GPALPP1: variants seen among roughly 807,000 people sequenced by gnomAD.
GPALPP1 encodes the protein GPALPP motifs containing 1, also known as GPALPP motifs-containing protein 1.
In GPALPP1, 30 loss-of-function variants were observed where a neutral mutation model predicts 38.9. The ratio of observed to expected loss-of-function variants is 0.77; its 90% CI spans 0.58 to 1.05. The LOEUF is 1.05. Among genes scored for constraint, GPALPP1 ranks in the 50% least tolerant of loss-of-function variants. The probability of loss-of-function intolerance (pLI) is 0.00; values close to 1 mark genes in which losing one functional copy is unlikely to be tolerated. For synonymous variants in GPALPP1, 120 were observed against 139.2 expected (o/e 0.86, Z 0.97); for missense variants, 384 against 408.8 (o/e 0.94, Z 0.52).
intron 4 of GPALPP1, among the ~76,000 whole-genome samples, chr13:45,011,867 A>G (rs1874505858): frequency 6.6e-6 from 1 of 152,198 alleles, no homozygotes; most frequent in African/African-American, 2.4e-5. Flanking sequence ...TTACCAGAGG[A>G]AGGACTTCCA....
chr13:45,029,110 G>A lies in GPALPP1; in HGVS notation c.*1107G>A, dbSNP rs1165232686. 15 of 151,982 alleles carry A rather than the reference G, an allele frequency of 9.9e-5. No individual in the cohort carries two copies. Among genetic ancestry groups the A allele is most frequent in the Non-Finnish European group, 1.5e-5 (1 of 67,988 alleles). 9.4% of individuals were successfully genotyped at this position (151,982 alleles called of 1,614,324 possible). On this transcript the variant is annotated 3_prime_UTR_variant, in exon 8 of 8. Coordinates refer to ENST00000379151, the MANE Select transcript of GPALPP1 (RefSeq NM_018559.5). Reference sequence around the variant, plus strand: ...AAGAAATTACATAAAAGCTGAGGTTGCTTCTTAATATCTTTATGATTTTTA... The same window carrying A: ...AAGAAATTACATAAAAGCTGAGGTTACTTCTTAATATCTTTATGATTTTTA...
At chr13:45,032,895 G>C (rs533237484), downstream of GPALPP1, among the ~76,000 whole-genome samples, 36 of 151,646 alleles carry the variant, frequency 2.4e-4, no homozygotes, top group African/African-American at 8.4e-4. Context: ...AAATTAGCTG[G>C]GCATGGCGGT....
exon 8 of GPALPP1, chr13:45,036,435 G>A (rs1876400128): frequency 6.6e-6 from 1 of 152,244 alleles, no homozygotes; most frequent in South Asian, 2.1e-4. Flanking sequence ...CACAAAAAGG[G>A]AGCACTGGTG....
At chr13:45,036,938 CAGAG>C in exon 8 of GPALPP1, 1 of 152,132 alleles carries the variant, frequency 6.6e-6, no homozygotes, top group Non-Finnish European at 1.5e-5. Context: ...GCCAGGGAGA[CAGAG>C]AGACCCCATC....
At chr13:45,019,947 C>T (rs1344042162) in intron 6 of GPALPP1, among the ~76,000 whole-genome samples, 4 of 122,666 alleles carry the variant, frequency 3.3e-5, no homozygotes, top group African/African-American at 6.3e-5. Context: ...TGCAGTGGAA[C>T]GATTTCGGCT....
At chr13:45,023,973 C>T (rs962465340) in intron 7 of GPALPP1, among the ~76,000 whole-genome samples, 2 of 152,218 alleles carry the variant, frequency 1.3e-5, no homozygotes, top group East Asian at 1.9e-4. Flanking sequence ...TTCCACATCC[C>T]GTGGATCACC....
Position 45,028,748 on chromosome 13 carries a change from C to T in GPALPP1, c.*745C>T, listed in dbSNP as rs73181541. ...TCCAGTCTGGGCAACAAAGTGAGAC[C>T]TCGTCTCTTTAGAAAAAAAAAAAGA... On this transcript the variant is annotated 3_prime_UTR_variant, in exon 8 of 8. Coordinates refer to ENST00000379151, the MANE Select transcript of GPALPP1 (RefSeq NM_018559.5). 0.032 allele frequency: 4,866 copies of T among 150,286 alleles called. 108 individuals carry two copies. Among genetic ancestry groups the T allele is most frequent in the East Asian group, 0.12 (595 of 5,094 alleles). The allele number at this position is 150,286 out of a possible 1,614,324, so 9.3% of individuals were successfully genotyped here.
At chr13:45,012,616 G>A (rs912090039) in intron 4 of GPALPP1, among the ~76,000 whole-genome samples, 8 of 152,206 alleles carry the variant, frequency 5.3e-5, no homozygotes, top group East Asian at 1.9e-4. Context: ...AGCTTACATC[G>A]TTTCCTTGGT....
At chr13:45,002,050 G>A (rs1873725084) in intron 1 of GPALPP1, 1 of 152,334 alleles carries the variant, frequency 6.6e-6, no homozygotes, top group South Asian at 2.1e-4. Flanking sequence ...TTGTCCACAA[G>A]CTGACAGTTT....
intron 1 of GPALPP1, among the ~76,000 whole-genome samples, chr13:44,995,519 G>A (rs1447473253): frequency 6.6e-6 from 1 of 152,094 alleles, no homozygotes. Context: ...ATCTTTCAAT[G>A]TTCTAGCCAG....
rs1876082992 is a variant in GPALPP1 at position 45,029,537 on chromosome 13, C to T, written c.*1534C>T. ...TGATTTTTGTGGTGTCTCACAAGTA[C>T]CCTCTAAGGTCTGGTCAGGACTGAC... On this transcript the variant is annotated 3_prime_UTR_variant, in exon 8 of 8. Transcript: ENST00000379151. 1 of 152,130 alleles carries T rather than the reference C, an allele frequency of 6.6e-6. No individual in the cohort carries two copies. Among genetic ancestry groups the T allele is most frequent in the African/African-American group, 2.4e-5 (1 of 41,424 alleles). The allele number at this position is 152,130 out of a possible 1,614,324, so 9.4% of individuals were successfully genotyped here. A position where few individuals can be genotyped will look rare whatever the true frequency, so the allele number is the denominator to read the frequency against.
At chr13:44,993,804 T>A (rs981811699) in intron 1 of GPALPP1, among the ~76,000 whole-genome samples, 1 of 120,450 alleles carries the variant, frequency 8.3e-6, no homozygotes, top group African/African-American at 2.8e-5. Context: ...CTTGTTAATT[T>A]CTGTTTGTCT....
chr13:45,018,994 T>TATATATAC (rs1310339198), intron 6 of GPALPP1, among the ~76,000 whole-genome samples: 1 of 5,866 alleles, frequency 1.7e-4, no homozygotes, highest in African/African-American at 2.2e-4. Context: ...TACATATAAA[T>TATATATAC]ATATATACAT....
intron 1 of GPALPP1, among the ~76,000 whole-genome samples, chr13:44,999,830 G>A (rs1013691313): frequency 6.6e-6 from 1 of 152,088 alleles, no homozygotes; most frequent in South Asian, 2.1e-4. Flanking sequence ...CGCCTGCCTT[G>A]TCCTCCCAAA....
intron 1 of GPALPP1, among the ~76,000 whole-genome samples, chr13:45,001,543 C>T (rs1003248550): frequency 6.6e-6 from 1 of 152,058 alleles, no homozygotes; most frequent in African/African-American, 2.4e-5. Context: ...TACCATTGCC[C>T]TTCACCTGCC....
chr13:44,996,915 C>T (rs1301058961), intron 1 of GPALPP1, among the ~76,000 whole-genome samples: 3 of 148,188 alleles, frequency 2.0e-5, no homozygotes, highest in Non-Finnish European at 4.4e-5. Context: ...GATGATTGAG[C>T]AACTATTACC....
intron 3 of GPALPP1, among the ~76,000 whole-genome samples, chr13:45,007,581 C>A (rs1874188778): frequency 6.6e-6 from 1 of 152,218 alleles, no homozygotes. Context: ...CAGTGCCAAA[C>A]TTCCCTGTCT....
intron 2 of GPALPP1, among the ~76,000 whole-genome samples, 169 bp from the exon 3 acceptor site, chr13:45,006,032 TA>T (rs67132896): frequency 0.84 from 124,529 of 148,026 alleles, 52,890 homozygotes; most frequent in East Asian, 0.99. Context: ...TCTCAAAAAA[TA>T]AAAAAAAAAA....
intron 6 of GPALPP1, among the ~76,000 whole-genome samples, chr13:45,016,587 C>T (rs1874889276): frequency 6.6e-6 from 1 of 152,152 alleles, no homozygotes; most frequent in Admixed American, 6.5e-5. Flanking sequence ...CCCAGTACTA[C>T]TCCTTCAATT....
Sources: allele counts gnomAD v4.1 joint callset (sites outside exome capture counted in the v4.1 genomes callset), GRCh38; gene constraint gnomAD v4.1.1; transcripts MANE v1.5; gene names NCBI Gene and HGNC (gene_info 2026-07-23, HGNC 2026-07-21).